The following GRIP1 variants were observed in gnomAD, a reference collection of about 807,000 sequenced individuals.
The protein encoded by GRIP1 is glutamate receptor interacting protein 1.
A neutral mutation model predicts 129.9 loss-of-function variants in GRIP1; 45 were observed. That is an observed-to-expected ratio of 0.35 (90% CI 0.27 to 0.44). The LOEUF (loss-of-function observed/expected upper bound fraction) is 0.44, where lower values mean the gene tolerates loss of function less well. GRIP1 is among the 20% of genes least tolerant of loss of function. The pLI, the probability that GRIP1 is intolerant of heterozygous loss-of-function variation, is 1.00. For missense variants in GRIP1, 1,196 were observed against 1,396.8 expected (o/e 0.86, Z 2.29); for synonymous variants, 530 against 520.8 (o/e 1.02, Z -0.24).
chr12:66,379,499 AT>A, intron 19 of GRIP1, 63 bp from the exon 20 acceptor site: 1 of 1,514,926 alleles, frequency 6.6e-7, no homozygotes, highest in African/African-American at 1.4e-5. Flanking sequence ...GAGAAATGAC[AT>A]TGTTAACCAG....
intron 1 of GRIP1, among the ~76,000 whole-genome samples, chr12:66,728,395 A>C (rs2036321626): frequency 6.6e-6 from 1 of 152,098 alleles, no homozygotes; most frequent in Non-Finnish European, 1.5e-5. Flanking sequence ...GTTGCTCCAC[A>C]ATTCTCAGCA....
rs574765007 is a variant in GRIP1, at chr12:66,670,069, C to T, written c.55+8781G>A. On this transcript the variant is annotated intron_variant, in intron 1 of 24. Transcript: ENST00000359742. Reference sequence around the variant, plus strand: ...GGGCTAGGGCAACAGACTTTCTGCACCATACAAATGAGGGTGAACTCCTTT... The same window carrying T: ...GGGCTAGGGCAACAGACTTTCTGCATCATACAAATGAGGGTGAACTCCTTT... Among the ~76,000 whole-genome samples, 6 of 152,230 alleles carry T rather than the reference C, an allele frequency of 3.9e-5. No homozygotes were observed. The South Asian group carries it at 1.2e-3, about 32-fold the overall frequency.
chr12:66,931,888 G>A, intron 1 of GRIP1, among the ~76,000 whole-genome samples: 1 of 151,898 alleles, frequency 6.6e-6, no homozygotes, highest in East Asian at 1.9e-4. Flanking sequence ...CCCAATATTG[G>A]CTATGGGTTA....
intron 1 of GRIP1, among the ~76,000 whole-genome samples, chr12:67,049,521 T>C (rs748335697): frequency 6.6e-6 from 1 of 151,994 alleles, no homozygotes; most frequent in Non-Finnish European, 1.5e-5. Context: ...TGAGAATACA[T>C]GGACGCAGGG....
chr12:66,929,674 C>G (rs1219377556), intron 1 of GRIP1, among the ~76,000 whole-genome samples: 4 of 152,212 alleles, frequency 2.6e-5, no homozygotes, highest in Non-Finnish European at 5.9e-5. Flanking sequence ...GTTCTAAGCA[C>G]AACTGAAATC....
chr12:67,058,966 G>A (rs188348544), intron 1 of GRIP1, among the ~76,000 whole-genome samples: 2 of 152,322 alleles, frequency 1.3e-5, no homozygotes, highest in Admixed American at 6.5e-5. Flanking sequence ...ACTCCTTGAC[G>A]AGTACAAAAG....
At chr12:66,664,787 A>G (rs117853625) in intron 1 of GRIP1, among the ~76,000 whole-genome samples, 1,815 of 152,248 alleles carry the variant, frequency 0.012, 15 homozygotes, top group Non-Finnish European at 0.019. Flanking sequence ...AATGGTAGCT[A>G]TTGTTATTAG....
chr12:66,426,056 C>T (rs1029071438), intron 14 of GRIP1, among the ~76,000 whole-genome samples: 12 of 152,090 alleles, frequency 7.9e-5, no homozygotes, highest in Non-Finnish European at 1.8e-4. Flanking sequence ...TTGTATGACA[C>T]CCCATCATGC....
chr12:66,461,103 T>C (rs1232913605), intron 9 of GRIP1, among the ~76,000 whole-genome samples: 8 of 152,296 alleles, frequency 5.3e-5, no homozygotes, highest in South Asian at 2.1e-4. Flanking sequence ...GGCAAAAAAT[T>C]TGTGCTTAGT....
chr12:66,422,174 C>G (rs1312535734), intron 14 of GRIP1, among the ~76,000 whole-genome samples: 3 of 152,148 alleles, frequency 2.0e-5, no homozygotes, highest in African/African-American at 7.2e-5. Flanking sequence ...TGCACAAGAA[C>G]AGATGGCTTA....
intron 1 of GRIP1, among the ~76,000 whole-genome samples, chr12:66,810,499 A>C (rs571264687): frequency 2.3e-4 from 35 of 152,294 alleles, no homozygotes; most frequent in African/African-American, 7.2e-4. Flanking sequence ...CAGAGGTTGC[A>C]GTGAGCGAGA....
intron 1 of GRIP1, among the ~76,000 whole-genome samples, chr12:66,657,550 G>A (rs17779619): frequency 0.054 from 8,208 of 152,248 alleles, 312 homozygotes; most frequent in Non-Finnish European, 0.083. Flanking sequence ...TACATTAACA[G>A]AAGTTTATTT....
chr12:66,973,348 G>A lies in GRIP1; in HGVS notation c.58+95702C>T, dbSNP rs1038732480. Among the ~76,000 whole-genome samples, 4 of 144,986 alleles carry A rather than the reference G, an allele frequency of 2.8e-5. No individual in the cohort carries two copies. The East Asian group carries it at 8.1e-4, about 29-fold the overall frequency. ...TTTTTTCTCTTTTGACAGGAAAATG[G>A]TTATTTTTTCCCTTTTTTCCTTTTT... On this transcript the variant is annotated intron_variant, in intron 1 of 1. Transcript: ENST00000643019.
chr12:66,975,448 A>G (rs533751757), intron 1 of GRIP1, among the ~76,000 whole-genome samples: 123 of 152,316 alleles, frequency 8.1e-4, no homozygotes, highest in Non-Finnish European at 1.1e-3. Flanking sequence ...CAGTGCTACA[A>G]ATAGCAAATT....
At chr12:66,919,141 G>T (rs1245391313) in intron 1 of GRIP1, among the ~76,000 whole-genome samples, 1 of 152,146 alleles carries the variant, frequency 6.6e-6, no homozygotes, top group African/African-American at 2.4e-5. Context: ...ATTTACCATA[G>T]TCCAATAAGA....
At chr12:66,527,354 T>G (rs1274520254) in intron 5 of GRIP1, among the ~76,000 whole-genome samples, 7 of 151,996 alleles carry the variant, frequency 4.6e-5, no homozygotes, top group South Asian at 4.2e-4. Context: ...CCATAAAAAA[T>G]GATGAGTTCA....
intron 1 of GRIP1, among the ~76,000 whole-genome samples, chr12:66,947,836 T>C (rs902054934): frequency 1.3e-5 from 2 of 152,336 alleles, no homozygotes; most frequent in Middle Eastern, 3.4e-3. Flanking sequence ...AAACCACAGA[T>C]AGTGACAGGC....
At chr12:66,939,162 A>G (rs1433064606) in intron 1 of GRIP1, among the ~76,000 whole-genome samples, 1 of 151,944 alleles carries the variant, frequency 6.6e-6, no homozygotes, top group African/African-American at 2.4e-5. Flanking sequence ...ATCTGAGAAG[A>G]TGGGGTGGAT....
intron 1 of GRIP1, among the ~76,000 whole-genome samples, chr12:66,881,723 G>C (rs565284346): frequency 3.9e-5 from 6 of 152,192 alleles, no homozygotes; most frequent in Admixed American, 2.0e-4. Context: ...ATCTACCCAG[G>C]ACCCTTGGAC....
Sources: allele counts gnomAD v4.1 joint callset (sites outside exome capture counted in the v4.1 genomes callset), GRCh38; gene constraint gnomAD v4.1.1; transcripts MANE v1.5; gene names NCBI Gene and HGNC (gene_info 2026-07-23, HGNC 2026-07-21).